Variants in GABRA2 observed in about 807,000 individuals in gnomAD.
GABRA2 encodes gamma-aminobutyric acid type A receptor subunit alpha2, also known as gamma-aminobutyric acid receptor subunit alpha-2.
In GABRA2, 16 loss-of-function variants were observed where a neutral mutation model predicts 48.7. That is an observed-to-expected ratio of 0.33 (90% confidence interval 0.22 to 0.50). The LOEUF (loss-of-function observed/expected upper bound fraction) is 0.50. Ranked by LOEUF, GABRA2 falls within the 20% of genes least tolerant of loss-of-function variation. GABRA2 has a pLI of 0.98. For missense variants in GABRA2, 275 were observed against 535.6 expected (o/e 0.51, Z 4.80); for synonymous variants, 185 against 184.5 (o/e 1.00, Z -0.02).
At chr4:46,340,920 C>T (rs1733109473) in intron 3 of GABRA2, among the ~76,000 whole-genome samples, 1 of 151,746 alleles carries the variant, frequency 6.6e-6, no homozygotes, top group Admixed American at 6.6e-5. Flanking sequence ...TTCGTTTCTT[C>T]TTCTTTTTTT....
intron 8 of GABRA2, among the ~76,000 whole-genome samples, chr4:46,297,350 C>T (rs2109581741): frequency 6.6e-6 from 1 of 151,452 alleles, no homozygotes; most frequent in Non-Finnish European, 1.5e-5. Context: ...TGCTTCCTGT[C>T]CTCAAACATC....
intron 8 of GABRA2, among the ~76,000 whole-genome samples, chr4:46,296,930 G>A (rs1269288171): frequency 6.6e-6 from 1 of 152,128 alleles, no homozygotes; most frequent in Non-Finnish European, 1.5e-5. Flanking sequence ...TTAACTTGAT[G>A]TATTGGCATT....
chr4:46,290,492 T>C (rs1389699611), intron 8 of GABRA2, among the ~76,000 whole-genome samples: 1 of 152,134 alleles, frequency 6.6e-6, no homozygotes, highest in African/African-American at 2.4e-5. Context: ...ACCTTTTTGG[T>C]TAAATTTAGT....
In GABRA2 at chr4:46,303,612, C is replaced by T; in HGVS notation, c.704G>A (p.Gly235Asp). The T allele has an allele frequency of 1.2e-6, 2 of 1,612,528 alleles. No homozygotes were observed. The highest frequency in any genetic ancestry group is 2.2e-5 in the South Asian group (2 of 91,026). The change falls in exon 8 of 10, where the codon GGT becomes GAT. Residue 235 changes from glycine to aspartate, a missense_variant and splice_region_variant. This residue lies in a region of GABRA2 where 113 missense variants were observed against 257.1 expected (regional missense o/e 0.44). Transcript: ENST00000381620. ...ATGAGCTGTCATTACAGTATATTCA[C>T]CTGGAAGAAAAATTTAAGAAGCTCA... Reference protein sequence around the residue: ...IGKETIKSSTGEYTVMTAHFH... With the variant: ...IGKETIKSSTDEYTVMTAHFH...
chr4:46,261,725 A>G, intron 9 of GABRA2: 1 of 615,452 alleles, frequency 1.6e-6, no homozygotes, highest in Non-Finnish European at 2.9e-6. Context: ...AACAGATGCT[A>G]CGGAGTGGTT....
intron 8 of GABRA2, among the ~76,000 whole-genome samples, chr4:46,296,297 C>T (rs1178555847): frequency 1.3e-5 from 2 of 152,150 alleles, no homozygotes; most frequent in Admixed American, 6.5e-5. Context: ...TTATGTTCTG[C>T]TGGCCTAGAG....
At chr4:46,289,138 C>G (rs1412760993) in intron 8 of GABRA2, among the ~76,000 whole-genome samples, 1 of 152,064 alleles carries the variant, frequency 6.6e-6, no homozygotes, top group African/African-American at 2.4e-5. Flanking sequence ...TTGTAGAATA[C>G]AGTGTGGTGA....
intron 3 of GABRA2, among the ~76,000 whole-genome samples, chr4:46,385,497 A>G (rs1717326763): frequency 6.6e-6 from 1 of 152,052 alleles, no homozygotes; most frequent in African/African-American, 2.4e-5. Context: ...AAACTGTGCC[A>G]CAATCCAAAA....
At chr4:46,274,569 G>A (rs1720116557) in intron 8 of GABRA2, among the ~76,000 whole-genome samples, 1 of 152,028 alleles carries the variant, frequency 6.6e-6, no homozygotes, top group African/African-American at 2.4e-5. Flanking sequence ...CAGCAATGAT[G>A]TGACTTTGCT....
At chr4:46,355,753 G>A (rs983184704) in intron 3 of GABRA2, among the ~76,000 whole-genome samples, 1 of 152,044 alleles carries the variant, frequency 6.6e-6, no homozygotes, top group Admixed American at 6.6e-5. Context: ...CTAATCCACT[G>A]TATGTTTTCC....
intron 8 of GABRA2, among the ~76,000 whole-genome samples, chr4:46,278,261 T>C (rs1252959544): frequency 6.6e-6 from 1 of 152,034 alleles, no homozygotes; most frequent in Non-Finnish European, 1.5e-5. Flanking sequence ...AAAACAAAGG[T>C]ATATGTTGAC....
chr4:46,341,029 T>G (rs2109853926), intron 3 of GABRA2, among the ~76,000 whole-genome samples: 1 of 152,104 alleles, frequency 6.6e-6, no homozygotes, highest in Admixed American at 6.6e-5. Context: ...CTATTAAAGG[T>G]TTTATTTCTG....
chr4:46,256,880 CTGTT>C (rs1396895919), intron 9 of GABRA2, among the ~76,000 whole-genome samples: 1 of 151,560 alleles, frequency 6.6e-6, no homozygotes, highest in Non-Finnish European at 1.5e-5. Flanking sequence ...CATTCCATAA[CTGTT>C]TGCATATTTT....
intron 3 of GABRA2, among the ~76,000 whole-genome samples, chr4:46,351,731 AT>A (rs1287900811): frequency 1.3e-5 from 2 of 152,180 alleles, no homozygotes; most frequent in African/African-American, 4.8e-5. Flanking sequence ...TCTAAAACAT[AT>A]CTTTAATTTC....
Position 46,388,687 on chromosome 4 carries a change from A to T in GABRA2, c.20T>A (p.Ile7Asn). The change falls in exon 2 of 10, where the codon ATC (isoleucine) becomes AAC (asparagine). Residue 7 changes from isoleucine to asparagine, a missense_variant. Ile to Asn is a moderately radical substitution (Grantham distance 149). Around this residue, in one of 4 missense-constraint regions of GABRA2, gnomAD observed 39 missense variants for 40.5 expected, o/e 0.96. Transcript: ENST00000381620. MKTKLN[I>N]YNMQFLLFVF... ...AAAAAGCAGGAACTGCATGTTGTAG[A>T]TGTTCAATTTTGTCTTCATCACCGC... is the stretch of plus-strand genomic sequence containing the variant. The T allele has an allele frequency of 1.9e-6, 3 of 1,614,178 alleles. No individual in the cohort carries two copies. Among genetic ancestry groups the T allele is most frequent in the East Asian group, 2.2e-5 (1 of 44,866 alleles).
Position 46,390,079 on chromosome 4 carries a change from G to C in GABRA2, c.-355C>G, listed in dbSNP as rs1177420515. 5.3e-6 allele frequency: 5 copies of C among 939,936 alleles called. No individual in the cohort carries two copies. The highest frequency in any genetic ancestry group is 6.3e-6 in the Non-Finnish European group (5 of 788,608). The allele number at this position is 939,936 out of a possible 1,614,324, so 58.2% of individuals were successfully genotyped here. A position where few individuals can be genotyped will look rare whatever the true frequency, so the allele number is the denominator to read the frequency against. ...CCGGGGGGGGAAATTGGGGGGACGCGGGCGGAGGCGCGGTGCGCGCCGGCG... is the reference window on the plus strand; with the variant it reads ...CCGGGGGGGGAAATTGGGGGGACGCCGGCGGAGGCGCGGTGCGCGCCGGCG... On this transcript the variant is annotated 5_prime_UTR_variant, in exon 1 of 10. Coordinates refer to ENST00000381620, the MANE Select transcript of GABRA2 (RefSeq NM_000807.4).
chr4:46,253,928 CT>C (rs1715299642), intron 9 of GABRA2, among the ~76,000 whole-genome samples: 1 of 151,458 alleles, frequency 6.6e-6, no homozygotes, highest in African/African-American at 2.4e-5. Context: ...GTAAAGCAGA[CT>C]GTTTCTCTTT....
At chr4:46,335,958 C>A (rs1451387338) in intron 3 of GABRA2, among the ~76,000 whole-genome samples, 1 of 152,136 alleles carries the variant, frequency 6.6e-6, no homozygotes, top group Non-Finnish European at 1.5e-5. Flanking sequence ...TTTTTGCTCT[C>A]TGACACTTTC....
chr4:46,313,311 T>C (rs1686602108), intron 4 of GABRA2, among the ~76,000 whole-genome samples: 1 of 151,936 alleles, frequency 6.6e-6, no homozygotes, highest in African/African-American at 2.4e-5. Context: ...ATTATCATAT[T>C]TATTTTTTAA....
Sources: gnomAD v4.1 joint callset for allele counts (sites outside exome capture counted in the v4.1 genomes callset) on GRCh38, gnomAD v4.1.1 for gene constraint, gnomAD v4.1.1 regional missense constraint, MANE v1.5 for transcripts, NCBI Gene and HGNC (gene_info 2026-07-23, HGNC 2026-07-21) for gene names.